EXOC4: variants seen among roughly 807,000 people sequenced by gnomAD.
EXOC4 encodes the protein SEC8-like 1.
In EXOC4, 71 loss-of-function variants were observed where a neutral mutation model predicts 107.2. The observed-to-expected ratio is 0.66, with a 90% CI of 0.55 to 0.81. The LOEUF is 0.81. EXOC4 is among the 30% of genes least tolerant of loss of function. EXOC4 has a pLI of 0.00. For missense variants in EXOC4, 1,108 were observed against 1,189.6 expected, an observed-to-expected ratio of 0.93 and a Z score of 1.01; for synonymous variants, 456 against 441.2, an observed-to-expected ratio of 1.03 and a Z score of -0.42.
intron 10 of EXOC4, among the ~76,000 whole-genome samples, chr7:133,762,125 A>G (rs1562987016): frequency 2.6e-5 from 4 of 152,190 alleles, no homozygotes; most frequent in African/African-American, 9.6e-5. Flanking sequence ...TCCTGAGACC[A>G]GAGATATGTA....
At chr7:133,817,593 C>A (rs779942175) in intron 11 of EXOC4, 49 bp downstream of exon 11, 7 of 1,341,298 alleles carry the variant, frequency 5.2e-6, no homozygotes, top group Non-Finnish European at 7.4e-6. Context: ...TTTTCATTGA[C>A]TTGGCAAGTG....
chr7:133,951,665 G>A (rs921628984), intron 14 of EXOC4, among the ~76,000 whole-genome samples: 2 of 152,142 alleles, frequency 1.3e-5, no homozygotes, highest in Admixed American at 1.3e-4. Flanking sequence ...GATCTTTGCT[G>A]TATTGCATTT....
intron 10 of EXOC4, among the ~76,000 whole-genome samples, chr7:133,812,467 T>TCTTTCTCTAAGTCACTCC: frequency 6.6e-6 from 1 of 152,246 alleles, no homozygotes; most frequent in East Asian, 1.9e-4. Context: ...TTGACCACTC[T>TCTTTCTCTAAGTCACTCC]CCTTCTCTAA....
chr7:133,671,137 A>G (rs927364648), intron 10 of EXOC4, among the ~76,000 whole-genome samples: 1 of 152,220 alleles, frequency 6.6e-6, no homozygotes, highest in Admixed American at 6.5e-5. Context: ...ATGACATCAG[A>G]GAGATGCCAG....
rs575297040 is a variant in EXOC4 at position 133,838,564 on chromosome 7, T to C, written c.1734+21020T>C. On this transcript the variant is annotated intron_variant, in intron 11 of 17. Transcript: ENST00000253861. ...TACCAGTGCTTCTAAAGTTTTAATA[T>C]TCACTTTCATCACCAGGCACATCTT... Among the ~76,000 whole-genome samples, 8 of 152,314 alleles carry C rather than the reference T, an allele frequency of 5.3e-5. No individual in the cohort carries two copies. In the East Asian group the frequency reaches 7.7e-4, roughly 15 times the overall value.
At chr7:133,685,893 T>G (rs1261020711) in intron 10 of EXOC4, among the ~76,000 whole-genome samples, 1 of 152,108 alleles carries the variant, frequency 6.6e-6, no homozygotes, top group Non-Finnish European at 1.5e-5. Context: ...CCTTTCCAAG[T>G]CTCCAGTTTC....
At chr7:133,531,839 A>T (rs1043146712) in intron 9 of EXOC4, among the ~76,000 whole-genome samples, 1 of 152,080 alleles carries the variant, frequency 6.6e-6, no homozygotes. Context: ...GGCCTGGTAG[A>T]CCTACAAGCA....
chr7:133,755,024 C>A (rs1795868745), intron 10 of EXOC4, among the ~76,000 whole-genome samples: 1 of 151,144 alleles, frequency 6.6e-6, no homozygotes, highest in African/African-American at 2.4e-5. Context: ...ACATTTTTTC[C>A]AACATACCTT....
intron 10 of EXOC4, among the ~76,000 whole-genome samples, chr7:133,791,715 A>G (rs1297338548): frequency 1.3e-5 from 2 of 152,214 alleles, no homozygotes; most frequent in African/African-American, 4.8e-5. Flanking sequence ...CTCCAAGTTG[A>G]GCAGGGGGCG....
chr7:133,584,071 G>A (rs778482071), intron 9 of EXOC4, among the ~76,000 whole-genome samples: 3 of 152,152 alleles, frequency 2.0e-5, no homozygotes, highest in Non-Finnish European at 2.9e-5. Flanking sequence ...AACTTTGGTG[G>A]AAGAAGGGCA....
chr7:133,349,996 G>A (rs1341073862), intron 5 of EXOC4, among the ~76,000 whole-genome samples: 1 of 152,072 alleles, frequency 6.6e-6, no homozygotes, highest in African/African-American at 2.4e-5. Flanking sequence ...TTGAAAAAAT[G>A]TCTATTCAAG....
rs149560520 is a variant in EXOC4 at position 133,795,666 on chromosome 7, T to C, written c.1515-21659T>C. On this transcript the variant is annotated intron_variant, in intron 10 of 17. Transcript: ENST00000253861. The stretch of plus-strand genomic sequence containing the variant: ...TTTGCCTTTTCCATTCCTGAGGTTC[T>C]AACCCATGAAAAAGATAAAACACCA... Among the ~76,000 whole-genome samples the C allele has an allele frequency of 8.9e-4, 135 of 152,316 alleles. No homozygotes were observed. In the Middle Eastern group the frequency reaches 0.024, roughly 27 times the overall value.
chr7:133,256,552 A>T (rs1005102737), intron 1 of EXOC4, among the ~76,000 whole-genome samples: 1 of 152,224 alleles, frequency 6.6e-6, no homozygotes, highest in African/African-American at 2.4e-5. Flanking sequence ...TCTTTTGAAA[A>T]GTTTGATCAG....
chr7:133,827,064 G>C (rs1294371442), intron 11 of EXOC4, among the ~76,000 whole-genome samples: 1 of 152,156 alleles, frequency 6.6e-6, no homozygotes, highest in Non-Finnish European at 1.5e-5. Context: ...CATTAGGTAA[G>C]AAAGTAGTTG....
rs560799224 is a variant in EXOC4, at chr7:133,876,285, GC to G, written c.1735-19311del. Among the ~76,000 whole-genome samples, 19 of 151,514 alleles carry G rather than the reference GC, an allele frequency of 1.3e-4. 1 individual carries two copies. The South Asian group carries it at 4.0e-3, about 32-fold the overall frequency. ...ACTGTAGAGCAGGGAATCATATTGG[GC>G]CCTTTGAGCAGGAAAATAATATTTG... On this transcript the variant is annotated intron_variant, in intron 11 of 17. Coordinates refer to ENST00000253861, the MANE Select transcript of EXOC4 (RefSeq NM_021807.4).
chr7:133,315,830 T>C (rs926288655), intron 4 of EXOC4, among the ~76,000 whole-genome samples: 2 of 152,202 alleles, frequency 1.3e-5, no homozygotes, highest in Admixed American at 6.5e-5. Flanking sequence ...ATTGGAAATA[T>C]GCTGTTTGGT....
intron 9 of EXOC4, among the ~76,000 whole-genome samples, chr7:133,522,797 G>T (rs1800004625): frequency 6.6e-6 from 1 of 152,052 alleles, no homozygotes; most frequent in South Asian, 2.1e-4. Flanking sequence ...AAAGATCTTT[G>T]CATACACAAG....
intron 11 of EXOC4, among the ~76,000 whole-genome samples, chr7:133,841,009 G>A (rs545285052): frequency 6.6e-5 from 10 of 152,278 alleles, no homozygotes; most frequent in African/African-American, 2.2e-4. Flanking sequence ...CACAAAATGG[G>A]TAGCTCATAA....
intron 11 of EXOC4, among the ~76,000 whole-genome samples, chr7:133,826,793 AT>A (rs1009431951): frequency 2.0e-5 from 3 of 152,162 alleles, no homozygotes; most frequent in African/African-American, 2.4e-5. Context: ...ACCTGGCAAT[AT>A]TTTTTCCCCA....
Sources: allele counts gnomAD v4.1 joint callset (sites outside exome capture counted in the v4.1 genomes callset), GRCh38; gene constraint gnomAD v4.1.1; transcripts MANE v1.5; gene names NCBI Gene and HGNC (gene_info 2026-07-23, HGNC 2026-07-21).